ERC2: variants seen among roughly 807,000 people sequenced by gnomAD.
ERC2 encodes the protein ELKS/RAB6-interacting/CAST family member 2.
Under a neutral mutation model 114.8 loss-of-function variants are expected in ERC2, and 42 were observed. The observed-to-expected ratio is 0.37, with a 90% confidence interval of 0.29 to 0.47. ERC2 has a LOEUF of 0.47. ERC2 is among the 20% of genes least tolerant of loss of function. The pLI, the probability that ERC2 is intolerant of heterozygous loss-of-function variation, is 0.99. For synonymous variants in ERC2, 454 were observed against 425.5 expected (o/e 1.07, Z -0.82); for missense variants, 939 against 1,150.7 (o/e 0.82, Z 2.66).
At chr3:55,814,093 C>G (rs1345125588) in intron 14 of ERC2, among the ~76,000 whole-genome samples, 1 of 152,100 alleles carries the variant, frequency 6.6e-6, no homozygotes, top group Non-Finnish European at 1.5e-5. Flanking sequence ...GCATTAGTAC[C>G]AGCAAATTGA....
intron 3 of ERC2, among the ~76,000 whole-genome samples, chr3:56,245,926 A>T (rs775175691): frequency 1.3e-5 from 2 of 152,092 alleles, no homozygotes; most frequent in African/African-American, 4.8e-5. Context: ...CAGTAGATAC[A>T]TACCTTTTAG....
At chr3:55,969,396 C>T (rs1430668105) in intron 12 of ERC2, among the ~76,000 whole-genome samples, 3 of 22,930 alleles carry the variant, frequency 1.3e-4, no homozygotes, top group Non-Finnish European at 6.4e-4. Context: ...TACACATACA[C>T]ACACACACAC....
intron 13 of ERC2, among the ~76,000 whole-genome samples, chr3:55,942,937 C>A (rs1191389883): frequency 1.3e-5 from 2 of 152,190 alleles, no homozygotes; most frequent in Non-Finnish European, 2.9e-5. Context: ...TAGAAGTTAA[C>A]CATGCCCAGG....
chr3:56,103,370 C>T (rs1323361852), intron 6 of ERC2, among the ~76,000 whole-genome samples: 4 of 152,056 alleles, frequency 2.6e-5, no homozygotes, highest in Admixed American at 2.6e-4. Context: ...TCAAATATGC[C>T]CGCGAGAAGA....
Position 55,525,439 on chromosome 3 carries a change from C to T in ERC2, c.*40-14163G>A, listed in dbSNP as rs568248923. Among the ~76,000 whole-genome samples the T allele has an allele frequency of 3.3e-5, 5 of 152,200 alleles. No homozygotes were observed. The East Asian group carries it at 7.7e-4, about 24-fold the overall frequency. On this transcript the variant is annotated intron_variant, in intron 17 of 17. Coordinates refer to ENST00000288221, the MANE Select transcript of ERC2 (RefSeq NM_015576.3). ...GAGTTCATGGGGGCCCAGGATGCCCCGAGACACCTCATATGGTGTCAGAGA... is the reference window on the plus strand; with the variant it reads ...GAGTTCATGGGGGCCCAGGATGCCCTGAGACACCTCATATGGTGTCAGAGA...
At chr3:56,000,643 G>C (rs1013420963) in intron 10 of ERC2, among the ~76,000 whole-genome samples, 3 of 152,140 alleles carry the variant, frequency 2.0e-5, no homozygotes, top group Non-Finnish European at 2.9e-5. Flanking sequence ...AATTCTCAAT[G>C]TTGGCCAGGG....
intron 17 of ERC2, among the ~76,000 whole-genome samples, chr3:55,625,619 C>T (rs554939473): frequency 1.6e-4 from 24 of 151,758 alleles, no homozygotes; most frequent in Admixed American, 7.9e-4. Context: ...GGCGTGGTGG[C>T]GGGCGCCTGT....
intron 2 of ERC2, among the ~76,000 whole-genome samples, chr3:56,398,240 A>G (rs1489947131): frequency 6.6e-6 from 1 of 152,250 alleles, no homozygotes; most frequent in Non-Finnish European, 1.5e-5. Flanking sequence ...CTTATGTGAG[A>G]GTATTTTTGG....
chr3:55,560,360 C>T (rs1285680589), intron 17 of ERC2, among the ~76,000 whole-genome samples: 1 of 152,214 alleles, frequency 6.6e-6, no homozygotes, highest in African/African-American at 2.4e-5. Flanking sequence ...CAAGGTTTCT[C>T]AACTGCAGTA....
intron 17 of ERC2, among the ~76,000 whole-genome samples, chr3:55,543,027 C>T (rs6769469): frequency 0.044 from 6,644 of 152,320 alleles, 220 homozygotes; most frequent in Non-Finnish European, 0.063. Flanking sequence ...TGCTCAAAGC[C>T]TCCATATCTC....
intron 17 of ERC2, among the ~76,000 whole-genome samples, chr3:55,615,910 C>G (rs1021982729): frequency 6.6e-6 from 1 of 152,180 alleles, no homozygotes; most frequent in Non-Finnish European, 1.5e-5. Flanking sequence ...GCTTACTTGT[C>G]AACTTTGCAT....
intron 17 of ERC2, among the ~76,000 whole-genome samples, chr3:55,540,265 G>C (rs1253789526): frequency 6.6e-6 from 1 of 152,140 alleles, no homozygotes; most frequent in East Asian, 1.9e-4. Flanking sequence ...GATTTTTAAG[G>C]GAGAAAACAG....
intron 15 of ERC2, among the ~76,000 whole-genome samples, chr3:55,725,832 T>G (rs1381931830): frequency 6.6e-6 from 1 of 152,190 alleles, no homozygotes; most frequent in Non-Finnish European, 1.5e-5. Flanking sequence ...CCATATTCAC[T>G]GAGTGCTATT....
intron 1 of ERC2, among the ~76,000 whole-genome samples, chr3:56,455,925 C>CA (rs1028809817): frequency 5.3e-5 from 8 of 152,182 alleles, no homozygotes; most frequent in African/African-American, 1.9e-4. Context: ...GCTGAGCCCA[C>CA]AAAAAAAGTT....
chr3:55,615,420 G>A (rs1267828064), intron 17 of ERC2, among the ~76,000 whole-genome samples: 7 of 152,134 alleles, frequency 4.6e-5, no homozygotes, highest in South Asian at 2.1e-4. Flanking sequence ...CTCTCCAAAC[G>A]CCATTGCCCA....
chr3:55,573,579 T>C (rs2107531990), intron 17 of ERC2, among the ~76,000 whole-genome samples: 1 of 152,262 alleles, frequency 6.6e-6, no homozygotes, highest in East Asian at 1.9e-4. Context: ...GGTGACACAC[T>C]GGGCCGCTCC....
intron 2 of ERC2, among the ~76,000 whole-genome samples, chr3:56,388,067 C>T (rs2059997550): frequency 6.6e-6 from 1 of 152,150 alleles, no homozygotes; most frequent in African/African-American, 2.4e-5. Context: ...ATATACAAAT[C>T]CTAACTCATC....
intron 7 of ERC2, among the ~76,000 whole-genome samples, chr3:56,033,085 A>AAAGAAAAGT (rs780022057): frequency 2.8e-5 from 4 of 145,026 alleles, no homozygotes; most frequent in African/African-American, 1.0e-4. Context: ...AGAAAGAAAG[A>AAAGAAAAGT]AAAGTAAAGT....
intron 17 of ERC2, among the ~76,000 whole-genome samples, chr3:55,572,778 A>G (rs768470317): frequency 1.2e-4 from 19 of 152,212 alleles, no homozygotes; most frequent in Non-Finnish European, 2.5e-4. Context: ...AGTGTTTAAA[A>G]GCCTTAGCTG....
Sources: gnomAD v4.1 joint callset for allele counts (sites outside exome capture counted in the v4.1 genomes callset) on GRCh38, gnomAD v4.1.1 for gene constraint, MANE v1.5 for transcripts, NCBI Gene and HGNC (gene_info 2026-07-23, HGNC 2026-07-21) for gene names.